Variants in FBXL13 observed in about 807,000 individuals in gnomAD.
FBXL13 encodes the protein F-box and leucine rich repeat protein 13, also known as F-box and leucine-rich repeat protein 13.
A neutral mutation model predicts 83.6 loss-of-function variants in FBXL13; 67 were observed. The observed-to-expected ratio is 0.80, with a 90% CI of 0.66 to 0.98. The LOEUF is 0.98. FBXL13 is among the 50% of genes least tolerant of loss of function. The probability of loss-of-function intolerance (pLI) is 0.00; values close to 1 mark genes in which losing one functional copy is unlikely to be tolerated. For synonymous variants in FBXL13, 272 were observed against 299.5 expected (o/e 0.91, Z 0.95); for missense variants, 822 against 866.5 (o/e 0.95, Z 0.64).
intron 16 of FBXL13, among the ~76,000 whole-genome samples, chr7:102,859,295 C>T (rs947968366): frequency 5.4e-4 from 82 of 152,154 alleles, no homozygotes; most frequent in African/African-American, 1.7e-3. Flanking sequence ...AGAGATGAGG[C>T]CTCCACTAAA....
chr7:102,869,224 T>C (rs1200481719), intron 16 of FBXL13, among the ~76,000 whole-genome samples: 2 of 152,242 alleles, frequency 1.3e-5, no homozygotes, highest in African/African-American at 2.4e-5. Context: ...AGTTCCCTGG[T>C]GTTAATGATG....
At position 102,991,936 on chromosome 7, in the gene FBXL13, T is replaced by A. The variant is rs2129484560; in HGVS notation, c.496-23819A>T. ...GCATTACTTCTGAGCCTCCTACCCC[T>A]CCAGTCACCCAGTCTCAATGCTGCC... On this transcript the variant is annotated intron_variant, in intron 6 of 19. Transcript: ENST00000313221. Among the ~76,000 whole-genome samples the A allele has an allele frequency of 1.3e-5, 2 of 152,248 alleles. 1 individual carries two copies. Among genetic ancestry groups the A allele is most frequent in the Middle Eastern group, 6.8e-3 (2 of 292 alleles).
chr7:102,870,606 A>G (rs1377841024), intron 16 of FBXL13, among the ~76,000 whole-genome samples: 5 of 152,176 alleles, frequency 3.3e-5, no homozygotes, highest in Non-Finnish European at 7.3e-5. Context: ...TAACATACAG[A>G]AAGGTCCTGA....
chr7:102,878,404 T>G, exon 15 of FBXL13: 1 of 1,609,936 alleles, frequency 6.2e-7, no homozygotes, highest in Non-Finnish European at 8.5e-7. Context: ...CTTATCCTCA[T>G]GCTTGCAGGA....
chr7:103,051,092 G>A (rs1283285829), intron 2 of FBXL13, among the ~76,000 whole-genome samples: 1 of 152,180 alleles, frequency 6.6e-6, no homozygotes, highest in African/African-American at 2.4e-5. Flanking sequence ...TAGTTTTCCA[G>A]AAATTAAGGA....
chr7:102,869,903 C>G (rs1203172817), intron 16 of FBXL13, among the ~76,000 whole-genome samples: 2 of 152,156 alleles, frequency 1.3e-5, no homozygotes, highest in African/African-American at 4.8e-5. Context: ...AGTGCTTGAA[C>G]TAAGCCAGGG....
chr7:102,854,644 T>C (rs967947389), intron 17 of FBXL13, 133 bp downstream of exon 18: 2 of 513,946 alleles, frequency 3.9e-6, no homozygotes, highest in East Asian at 3.3e-5. Flanking sequence ...ACTTAAGAAC[T>C]AAAGGCAAAA....
chr7:103,039,608 T>C (rs1048642822), intron 2 of FBXL13, among the ~76,000 whole-genome samples: 12 of 151,572 alleles, frequency 7.9e-5, no homozygotes, highest in African/African-American at 2.9e-4. Context: ...GGGAAGCACA[T>C]CAGACTAACA....
rs554310017 is a variant in FBXL13, at chr7:102,945,788, C to T, written c.725-13855G>A. On this transcript the variant is annotated intron_variant, in intron 8 of 19. Transcript: ENST00000313221. ...TTGAATACATTTTCATTTCTTGTAT[C>T]AAGGTATTCCTACAAAGTTTAGCAA... Among the ~76,000 whole-genome samples the T allele has an allele frequency of 5.9e-5, 9 of 152,252 alleles. 1 individual carries two copies. The highest frequency in any genetic ancestry group is 2.0e-4 in the Admixed American group (3 of 15,290).
chr7:102,883,455 A>T (rs1193978072), exon 14 of FBXL13: 1 of 1,608,780 alleles, frequency 6.2e-7, no homozygotes, highest in Non-Finnish European at 8.5e-7. Flanking sequence ...TGCATCAGTA[A>T]CCCTTTTATT....
chr7:102,879,512 T>C (rs1457274285), intron 14 of FBXL13, among the ~76,000 whole-genome samples: 1 of 151,468 alleles, frequency 6.6e-6, no homozygotes, highest in African/African-American at 2.4e-5. Flanking sequence ...TAAAAGTGAA[T>C]GGAAAAGATT....
rs1264683029 is a variant in FBXL13, at chr7:103,055,742, C to T, written c.-99G>A. 3.2e-6 allele frequency: 4 copies of T among 1,263,280 alleles called. No individual in the cohort carries two copies. The South Asian group carries it at 3.9e-5, about 12-fold the overall frequency. The allele number at this position is 1,263,280 out of a possible 1,614,324, so 78.3% of individuals were successfully genotyped here. On this transcript the variant is annotated 5_prime_UTR_variant, in exon 2 of 20. Coordinates refer to ENST00000313221, the Ensembl canonical transcript of FBXL13. Reference sequence around the variant, plus strand: ...GACATGTAACAAGTATACCACATAACAGTGCCTAGGGGAAAAAAGGGAAAT... The same window carrying T: ...GACATGTAACAAGTATACCACATAATAGTGCCTAGGGGAAAAAAGGGAAAT...
intron 5 of FBXL13, among the ~76,000 whole-genome samples, chr7:103,025,845 G>A (rs1466548391): frequency 6.6e-6 from 1 of 151,776 alleles, no homozygotes; most frequent in African/African-American, 2.4e-5. Context: ...CATGTGGAGC[G>A]CTTGACACAC....
At chr7:102,841,047 G>T (rs1226134572) in intron 17 of FBXL13, among the ~76,000 whole-genome samples, 2 of 152,076 alleles carry the variant, frequency 1.3e-5, no homozygotes, top group African/African-American at 4.8e-5. Context: ...ATAACATGGA[G>T]AAATCATAGC....
intron 6 of FBXL13, among the ~76,000 whole-genome samples, chr7:103,014,701 A>G (rs964155508): frequency 2.6e-5 from 4 of 152,030 alleles, no homozygotes; most frequent in African/African-American, 9.7e-5. Flanking sequence ...AGGCGGGTGG[A>G]TCATGAGGTC....
At chr7:103,019,127 C>T (rs1354996606) in intron 6 of FBXL13, among the ~76,000 whole-genome samples, 2 of 152,210 alleles carry the variant, frequency 1.3e-5, no homozygotes, top group Non-Finnish European at 2.9e-5. Context: ...AACTGTCTCT[C>T]AGACCACAGT....
chr7:102,894,744 A>AAGAG (rs545771189), intron 11 of FBXL13, among the ~76,000 whole-genome samples: 8 of 150,798 alleles, frequency 5.3e-5, no homozygotes, highest in South Asian at 2.1e-4. Context: ...AAAAAAAAAA[A>AAGAG]AGAGAGAGAG....
At chr7:102,954,839 T>A (rs954372333) in intron 8 of FBXL13, among the ~76,000 whole-genome samples, 27 of 152,260 alleles carry the variant, frequency 1.8e-4, no homozygotes, top group African/African-American at 6.3e-4. Flanking sequence ...CAAGAAAAGA[T>A]AACTATCCTA....
At chr7:102,827,430 C>T (rs1046212127) in intron 18 of FBXL13, among the ~76,000 whole-genome samples, 2 of 152,166 alleles carry the variant, frequency 1.3e-5, no homozygotes, top group African/African-American at 4.8e-5. Flanking sequence ...TCTTAAGCCA[C>T]TGAGTTTGAG....
Sources: allele counts gnomAD v4.1 joint callset (sites outside exome capture counted in the v4.1 genomes callset), GRCh38; gene constraint gnomAD v4.1.1; transcripts MANE v1.5; gene names NCBI Gene and HGNC (gene_info 2026-07-23, HGNC 2026-07-21).